SNAPC5: variants seen among roughly 807,000 people sequenced by gnomAD.
SNAPC5 encodes small nuclear RNA activating complex polypeptide 5, also known as snRNA-activating protein complex subunit 5.
In SNAPC5, 12 loss-of-function variants were observed where a neutral mutation model predicts 9.1. That is an observed-to-expected ratio of 1.32 (90% CI 0.85 to 2.15). The LOEUF is 2.15. Ranked by LOEUF, SNAPC5 falls within the 30% of genes most tolerant of loss-of-function variation. The pLI is 0.00. For synonymous variants in SNAPC5, 52 were observed against 47.3 expected, an observed-to-expected ratio of 1.10 and a Z score of -0.41; for missense variants, 132 against 114.4, an observed-to-expected ratio of 1.15 and a Z score of -0.70.
chr15:66,497,735 G>C lies in SNAPC5; in HGVS notation c.-4C>G, dbSNP rs770863893. 2 of 1,608,798 alleles carry C rather than the reference G, an allele frequency of 1.2e-6. No homozygotes were observed. The highest frequency in any genetic ancestry group is 1.7e-6 in the Non-Finnish European group (2 of 1,176,880). On this transcript the variant is annotated 5_prime_UTR_variant, in exon 1 of 3. Transcript: ENST00000316634. ...GTTCCTGAAGCCGGCTCAGCATGTT[G>C]CCTGGTCACATAGCCAACCTCCGGG...
Position 66,494,211 on chromosome 15 carries a change from T to G in SNAPC5, c.*225A>C. On this transcript the variant is annotated 3_prime_UTR_variant, in exon 3 of 3. Coordinates refer to ENST00000316634, the MANE Select transcript of SNAPC5 (RefSeq NM_001329615.2). The stretch of plus-strand genomic sequence containing the variant: ...AGATTACAGACAGCACCACCCATAT[T>G]ACTCAATGCTAAGACACAGCATCTT... 1 of 526,158 alleles carries G rather than the reference T, an allele frequency of 1.9e-6. No homozygotes were observed. The highest frequency in any genetic ancestry group is 3.4e-6 in the Non-Finnish European group (1 of 290,128). 32.6% of individuals were successfully genotyped at this position (526,158 alleles called of 1,614,324 possible). A position where few individuals can be genotyped will look rare whatever the true frequency, so the allele number is the denominator to read the frequency against.
chr15:66,496,638 C>T (rs1893446943), intron 1 of SNAPC5, among the ~76,000 whole-genome samples: 1 of 151,954 alleles, frequency 6.6e-6, no homozygotes, highest in African/African-American at 2.4e-5. Flanking sequence ...ATCCTCCCAC[C>T]TCAGTTTCCC....
At chr15:66,497,484 A>G (rs917806943) in intron 1 of SNAPC5, 158 bp downstream of exon 1, 5 of 706,228 alleles carry the variant, frequency 7.1e-6, no homozygotes, top group Non-Finnish European at 1.0e-5. Flanking sequence ...CAGGTGATTC[A>G]GATACCTGTT....
In SNAPC5 at chr15:66,497,718, A is replaced by G; in HGVS notation, c.14T>C (p.Leu5Pro). The change falls in exon 1 of 3, where the codon CTT becomes CCT. Residue 5 changes from leucine (L) to proline (P), a missense_variant. By Grantham distance (98) the Leu-to-Pro change is moderately conservative (BLOSUM62 -3). Coordinates refer to ENST00000316634, the MANE Select transcript of SNAPC5 (RefSeq NM_001329615.2). The stretch of plus-strand genomic sequence containing the variant: ...CTCCTCCTCCTTGCGCAGTTCCTGA[A>G]GCCGGCTCAGCATGTTGCCTGGTCA... MLSR[L>P]QELRKEEETL... is the part of the protein sequence containing the mutation. The G allele has an allele frequency of 6.2e-7, 1 of 1,613,056 alleles. No homozygotes were observed. Among genetic ancestry groups the G allele is most frequent in the Non-Finnish European group, 8.5e-7 (1 of 1,179,850 alleles).
chr15:66,491,998 C>G (rs1316291200), downstream of SNAPC5: 2 of 456,598 alleles, frequency 4.4e-6, no homozygotes, highest in Non-Finnish European at 8.8e-6. Context: ...GCCAGCTTGC[C>G]TACCTGGTGT....
chr15:66,491,086 T>C (rs1009616533), downstream of SNAPC5: 12 of 354,272 alleles, frequency 3.4e-5, no homozygotes, highest in Non-Finnish European at 6.3e-5. Context: ...TTTGCTGCTA[T>C]GAAAATGAGC....
downstream of SNAPC5, chr15:66,490,411 C>G (rs1402749359): frequency 2.1e-6 from 2 of 948,380 alleles, no homozygotes; most frequent in Non-Finnish European, 3.5e-6. Context: ...AGCACAAGCT[C>G]TAGACCTGAA....
At chr15:66,494,648 T>G in intron 2 of SNAPC5, 96 bp from the exon 3 acceptor site, 1 of 844,778 alleles carries the variant, frequency 1.2e-6, no homozygotes, top group South Asian at 1.5e-5. Context: ...CTCAATTGCA[T>G]ATCTATCCCC....
At chr15:66,497,034 G>A (rs1893461009) in intron 1 of SNAPC5, 1 of 156,438 alleles carries the variant, frequency 6.4e-6, no homozygotes, top group Non-Finnish European at 1.4e-5. Context: ...CCCGGGCTGA[G>A]GGGCTGCATT....
downstream of SNAPC5, chr15:66,492,096 C>T (rs991849819): frequency 2.0e-5 from 9 of 455,370 alleles, no homozygotes; most frequent in African/African-American, 1.2e-4. Context: ...CACTTAACCA[C>T]ACCTTCCTGG....
rs945907755 is a variant in SNAPC5 at position 66,494,284 on chromosome 15, G to A, written c.*152C>T. 9.3e-6 allele frequency: 6 copies of A among 647,194 alleles called. No homozygotes were observed. Among genetic ancestry groups the A allele is most frequent in the Non-Finnish European group, 1.7e-5 (6 of 361,448 alleles). 40.1% of individuals were successfully genotyped at this position (647,194 alleles called of 1,614,324 possible). A position where few individuals can be genotyped will look rare whatever the true frequency, so the allele number is the denominator to read the frequency against. ...TTCTGAAGCTTGAGTTACCGATGGA[G>A]CCATTTTTGCAACTACACATCCTCC... On this transcript the variant is annotated 3_prime_UTR_variant, in exon 3 of 3. Coordinates refer to ENST00000316634, the MANE Select transcript of SNAPC5 (RefSeq NM_001329615.2).
Position 66,495,315 on chromosome 15 carries a change from C to G in SNAPC5, c.180+15G>C. The G allele has an allele frequency of 6.8e-7, 1 of 1,480,452 alleles. No homozygotes were observed. The highest frequency in any genetic ancestry group is 9.5e-7 in the Non-Finnish European group (1 of 1,057,628). The allele number at this position is 1,480,452 out of a possible 1,614,324, so 91.7% of individuals were successfully genotyped here. Reference sequence around the variant, plus strand: ...CTTTGCATTCTCTCCTAGGCCTGCACTTGATTAAGCTTACATCATGTGACT... The same window carrying G: ...CTTTGCATTCTCTCCTAGGCCTGCAGTTGATTAAGCTTACATCATGTGACT... On this transcript the variant is annotated intron_variant, in intron 2 of 2. Transcript: ENST00000316634.
At chr15:66,489,803 T>C (rs202200875), downstream of SNAPC5, 6 of 1,519,140 alleles carry the variant, frequency 3.9e-6, no homozygotes, top group African/African-American at 5.5e-5. Flanking sequence ...TACCTGTTTA[T>C]TCATTTGTTC....
chr15:66,494,352 G>T lies in SNAPC5; in HGVS notation c.*84C>A. ...CTTTCAAGCAGATCACAGGGCCCAGGGCAAGATGATTTCCTTGAGGAGAAG... is the reference window on the plus strand; with the variant it reads ...CTTTCAAGCAGATCACAGGGCCCAGTGCAAGATGATTTCCTTGAGGAGAAG... On this transcript the variant is annotated 3_prime_UTR_variant, in exon 3 of 3. Transcript: ENST00000316634. 1 of 930,900 alleles carries T rather than the reference G, an allele frequency of 1.1e-6. No individual in the cohort carries two copies. The highest frequency in any genetic ancestry group is 2.5e-4 in the Middle Eastern group (1 of 3,992). The allele number at this position is 930,900 out of a possible 1,614,324, so 57.7% of individuals were successfully genotyped here. A position where few individuals can be genotyped will look rare whatever the true frequency, so the allele number is the denominator to read the frequency against.
Position 66,495,358 on chromosome 15 carries a change from G to C in SNAPC5, c.152C>G (p.Ser51Cys), listed in dbSNP as rs768871923. The C allele has an allele frequency of 6.2e-7, 1 of 1,605,856 alleles. No individual in the cohort carries two copies. Among genetic ancestry groups the C allele is most frequent in the East Asian group, 2.2e-5 (1 of 44,848 alleles). The change falls in exon 2 of 3, where the codon TCT (serine) becomes TGT (cysteine). Residue 51 changes from serine (S) to cysteine (C), a missense_variant. Transcript: ENST00000316634. ...ATGTGACTGTTCAGGTACAGTGTGAGAAGACAGCATCTCATCCCCTCTTCT... is the reference window on the plus strand; with the variant it reads ...ATGTGACTGTTCAGGTACAGTGTGACAAGACAGCATCTCATCCCCTCTTCT... ...SSRRGDEMLS[S>C]HTVPEQSHDM...
chr15:66,492,333 C>T (rs1391974414), downstream of SNAPC5: 3 of 252,644 alleles, frequency 1.2e-5, no homozygotes, highest in Non-Finnish European at 2.3e-5. Context: ...GGTAAATAAT[C>T]TTCTAAGTAG....
chr15:66,489,845 G>A (rs1327463326), downstream of SNAPC5: 7 of 1,207,390 alleles, frequency 5.8e-6, 1 homozygote, highest in South Asian at 8.4e-5. Flanking sequence ...AGTACTTCCA[G>A]AGCCCATTCA....
At chr15:66,495,061 G>C (rs748070282) in intron 2 of SNAPC5, 2 of 471,100 alleles carry the variant, frequency 4.2e-6, no homozygotes, top group Non-Finnish European at 3.9e-6. Context: ...ACTCTCCCCC[G>C]GGTTCATCTG....
chr15:66,490,180 A>G, downstream of SNAPC5: 1 of 521,254 alleles, frequency 1.9e-6, no homozygotes, highest in South Asian at 2.0e-5. Context: ...GACGGTGTAT[A>G]TAGTATATAA....
Sources: gnomAD v4.1 joint callset for allele counts (sites outside exome capture counted in the v4.1 genomes callset) on GRCh38, gnomAD v4.1.1 for gene constraint, MANE v1.5 for transcripts, NCBI Gene and HGNC (gene_info 2026-07-23, HGNC 2026-07-21) for gene names.